Variants in HAUS3 observed in about 807,000 individuals in gnomAD.
The protein encoded by HAUS3 is HAUS augmin-like complex subunit 3.
A neutral mutation model predicts 55.2 loss-of-function variants in HAUS3; 36 were observed. That is an observed-to-expected ratio of 0.65 (90% CI 0.50 to 0.86). HAUS3 has a LOEUF of 0.86. HAUS3 is among the 40% of genes least tolerant of loss of function. HAUS3 has a pLI of 0.00. For synonymous variants in HAUS3, 234 were observed against 238.6 expected, an observed-to-expected ratio of 0.98 and a Z score of 0.18; for missense variants, 752 against 671.5, an observed-to-expected ratio of 1.12 and a Z score of -1.33.
chr4:2,228,758 G>C lies in HAUS3; in HGVS notation c.*3169C>G. ...ACATATTGTCAAAAACATATCTCTT[G>C]TTCACCACACAAAATAGCAAATACT... On this transcript the variant is annotated 3_prime_UTR_variant, in exon 6 of 6. Transcript: ENST00000443786. The C allele has an allele frequency of 4.8e-6, 1 of 208,380 alleles. No individual in the cohort carries two copies. The highest frequency in any genetic ancestry group is 5.6e-5 in the Admixed American group (1 of 17,834). 12.9% of individuals were successfully genotyped at this position (208,380 alleles called of 1,614,324 possible). A position where few individuals can be genotyped will look rare whatever the true frequency, so the allele number is the denominator to read the frequency against.
rs746889790 is a variant in HAUS3 at position 2,232,085 on chromosome 4, C to T, written c.1654G>A (p.Asp552Asn). 3.1e-6 allele frequency: 5 copies of T among 1,604,240 alleles called. No individual in the cohort carries two copies. Among genetic ancestry groups the T allele is most frequent in the Non-Finnish European group, 3.4e-6 (4 of 1,175,094 alleles). The change falls in exon 6 of 6, where the codon GAT (aspartate) becomes AAT (asparagine). Residue 552 changes from aspartate (D) to asparagine (N), a missense_variant. Coordinates refer to ENST00000443786, the MANE Select transcript of HAUS3 (RefSeq NM_001303143.2). Reference protein sequence around the residue: ...LNHLLTDILADVKTKRKTLAN... With the variant: ...LNHLLTDILANVKTKRKTLAN... ...AAAGTTTTTCTTTTTGTCTTCACAT[C>T]AGCAAGAATATCAGTGAGGAGATGA...
Position 2,230,561 on chromosome 4 carries a change from T to G in HAUS3, c.*1366A>C, listed in dbSNP as rs1479854862. On this transcript the variant is annotated 3_prime_UTR_variant, in exon 6 of 6. Transcript: ENST00000443786. ...ACAAAATTAAGGTTTACATAAAATT[T>G]TAAATAACATAAACACAATAATTGG... 6.6e-6 allele frequency: 1 copy of G among 151,974 alleles called. No homozygotes were observed. The highest frequency in any genetic ancestry group is 1.9e-4 in the East Asian group (1 of 5,196). The allele number at this position is 151,974 out of a possible 1,614,324, so 9.4% of individuals were successfully genotyped here.
chr4:2,236,504 T>C, intron 4 of HAUS3, 48 bp from the exon 5 acceptor site: 2 of 1,343,908 alleles, frequency 1.5e-6, no homozygotes, highest in Non-Finnish European at 2.1e-6. Context: ...CAAGTCAGTA[T>C]CATTTTCAAA....
rs772224178 is a variant in HAUS3 at position 2,238,690 on chromosome 4, C to G, written c.1263G>C (p.Lys421Asn). 1.1e-5 allele frequency: 17 copies of G among 1,613,284 alleles called. No individual in the cohort carries two copies. The highest frequency in any genetic ancestry group is 1.4e-5 in the Non-Finnish European group (16 of 1,179,354). The change falls in exon 4 of 6, where the codon AAG becomes AAC. Residue 421 changes from lysine to asparagine, a missense_variant. Physicochemically the swap from Lys to Asn is moderately conservative, Grantham distance 94. Coordinates refer to ENST00000443786, the MANE Select transcript of HAUS3 (RefSeq NM_001303143.2). Reference sequence around the variant, plus strand: ...ATGGATCTGTTAACATTTCTAATTGCTTGTAGAGCATCATGTTACTTTGAC... The same window carrying G: ...ATGGATCTGTTAACATTTCTAATTGGTTGTAGAGCATCATGTTACTTTGAC... ...ELSQSNMMLY[K>N]QLEMLTDPSV... is the part of the protein sequence containing the mutation.
intron 2 of HAUS3, 71 bp downstream of exon 2, chr4:2,241,449 T>C (rs1458341103): frequency 1.2e-5 from 12 of 971,540 alleles, no homozygotes; most frequent in Non-Finnish European, 1.5e-5. Context: ...CAGCCTCTCT[T>C]CCCTGCCCTC....
chr4:2,239,501 A>G (rs1253365731), intron 3 of HAUS3, among the ~76,000 whole-genome samples: 1 of 152,248 alleles, frequency 6.6e-6, no homozygotes, highest in African/African-American at 2.4e-5. Context: ...ATTCTGATTC[A>G]GAAAAGTTAC....
rs1437594556 is a variant in HAUS3, at chr4:2,229,711, A to C, written c.*2216T>G. ...CATGGTGGCACCTGTAATCCCAGCT[A>C]CTCGGGAGGCCTGAGGCAGGAGAAT... On this transcript the variant is annotated 3_prime_UTR_variant, in exon 6 of 6. Coordinates refer to ENST00000443786, the MANE Select transcript of HAUS3 (RefSeq NM_001303143.2). 1 of 152,288 alleles carries C rather than the reference A, an allele frequency of 6.6e-6. No individual in the cohort carries two copies. The highest frequency in any genetic ancestry group is 1.5e-5 in the Non-Finnish European group (1 of 68,322). The allele number at this position is 152,288 out of a possible 1,614,324, so 9.4% of individuals were successfully genotyped here.
chr4:2,240,641 T>C lies in HAUS3; in HGVS notation c.306A>G (p.Leu102=). Residue 102 remains leucine, a synonymous_variant, in exon 3 of 6, where the codon TTA becomes TTG. Transcript: ENST00000443786. ...TCAGTAGAGTTTGAACCTCATCCTC[T>C]AATTTCTCCAGCTCTTTATCATCCA... is the stretch of plus-strand genomic sequence containing the variant. The part of the protein sequence containing the change: ...PRLDDKELEK[L]EDEVQTLLKL... 1 of 1,613,770 alleles carries C rather than the reference T, an allele frequency of 6.2e-7. No individual in the cohort carries two copies. The highest frequency in any genetic ancestry group is 8.5e-7 in the Non-Finnish European group (1 of 1,179,974).
chr4:2,231,303 T>G lies in HAUS3; in HGVS notation c.*624A>C, dbSNP rs549947862. On this transcript the variant is annotated 3_prime_UTR_variant, in exon 6 of 6. Coordinates refer to ENST00000443786, the MANE Select transcript of HAUS3 (RefSeq NM_001303143.2). ...TGCTGACTAGAAGTTCTACACATTT[T>G]AAAATATTTAATAGCGGCTGAGCGT... 6.6e-6 allele frequency: 1 copy of G among 152,356 alleles called. No individual in the cohort carries two copies. The highest frequency in any genetic ancestry group is 2.1e-4 in the South Asian group (1 of 4,824). The allele number at this position is 152,356 out of a possible 1,614,324, so 9.4% of individuals were successfully genotyped here.
chr4:2,239,013 T>C lies in HAUS3; in HGVS notation c.940A>G (p.Ile314Val), dbSNP rs564048728. ...ATAATCTCACTGGTCAAGCTAGAAATTTTAGCATCCAAATTTTCTTTGTCC... is the reference window on the plus strand; with the variant it reads ...ATAATCTCACTGGTCAAGCTAGAAACTTTAGCATCCAAATTTTCTTTGTCC... ...AVDKENLDAK[I>V]SSLTSEIMKL... Residue 314 changes from isoleucine to valine, a missense_variant, in exon 4 of 6, where the codon ATT (isoleucine) becomes GTT (valine). Transcript: ENST00000443786. 5.0e-5 allele frequency: 77 copies of C among 1,540,512 alleles called. No individual in the cohort carries two copies. In the Admixed American group the frequency reaches 1.6e-3, roughly 32 times the overall value.
In HAUS3 at chr4:2,238,995, C is replaced by T; in HGVS notation, c.958G>A (p.Glu320Lys). The change falls in exon 4 of 6, where the codon GAG becomes AAG. Residue 320 changes from glutamate (E) to lysine (K), a missense_variant. Transcript: ENST00000443786. ...LDAKISSLTS[E>K]IMKLEKEVTQ... ...ACCTCTTTTTCAAGTTTCATAATCT[C>T]ACTGGTCAAGCTAGAAATTTTAGCA... 6.4e-7 allele frequency: 1 copy of T among 1,570,902 alleles called. No individual in the cohort carries two copies. Among genetic ancestry groups the T allele is most frequent in the Non-Finnish European group, 8.6e-7 (1 of 1,163,482 alleles).
At position 2,234,322 on chromosome 4, in the gene HAUS3, G is replaced by A. The variant is rs964208750; in HGVS notation, c.1578+1906C>T. On this transcript the variant is annotated intron_variant, in intron 5 of 5. Transcript: ENST00000443786. ...CATTTGACAGCCACTTTGTCAACTA[G>A]AACCAGAACATGAACTGCTGGCAAA... The A allele has an allele frequency of 3.9e-5, 6 of 152,556 alleles. No individual in the cohort carries two copies. In the East Asian group the frequency reaches 1.2e-3, roughly 29 times the overall value. 9.5% of individuals were successfully genotyped at this position (152,556 alleles called of 1,614,324 possible).
At chr4:2,235,565 A>G (rs185955261) in intron 5 of HAUS3, among the ~76,000 whole-genome samples, 19 of 152,368 alleles carry the variant, frequency 1.2e-4, no homozygotes, top group African/African-American at 4.6e-4. Context: ...ACTATGAATG[A>G]ACTATATAGC....
rs888972073 is a variant in HAUS3 at position 2,235,938 on chromosome 4, G to GA, written c.1578+289dup. Among the ~76,000 whole-genome samples, 28 of 149,542 alleles carry GA rather than the reference G, an allele frequency of 1.9e-4. 1 individual carries two copies. Among genetic ancestry groups the GA allele is most frequent in the African/African-American group, 2.7e-4 (11 of 40,950 alleles). ...CAATCCTGTGTTTGCTAAGATGAGTGAAAAAAAAATACAGAGGCGGTTTTA... is the reference window on the plus strand; with the variant it reads ...CAATCCTGTGTTTGCTAAGATGAGTGAAAAAAAAAATACAGAGGCGGTTTTA... On this transcript the variant is annotated intron_variant, in intron 5 of 5. Coordinates refer to ENST00000443786, the MANE Select transcript of HAUS3 (RefSeq NM_001303143.2).
At chr4:2,241,131 GAC>G in intron 2 of HAUS3, 38 bp from the exon 3 acceptor site, 1 of 518,918 alleles carries the variant, frequency 1.9e-6, no homozygotes, top group Admixed American at 3.9e-5. Flanking sequence ...CCACAAATAT[GAC>G]GACAGTGTTT....
At chr4:2,241,933 C>T in intron 1 of HAUS3, 118 bp downstream of exon 1, 1 of 985,576 alleles carries the variant, frequency 1.0e-6, no homozygotes, top group Non-Finnish European at 1.2e-6. Flanking sequence ...GCTGGAGCAC[C>T]TGGAAGGAGC....
At chr4:2,239,131 C>A in intron 3 of HAUS3, 88 bp from the exon 4 acceptor site, 2 of 645,042 alleles carry the variant, frequency 3.1e-6, no homozygotes, top group East Asian at 2.9e-5. Flanking sequence ...CTTTAGGTGA[C>A]CAGATAATAA....
intron 5 of HAUS3, among the ~76,000 whole-genome samples, chr4:2,234,934 G>A (rs995613738): frequency 1.3e-5 from 2 of 152,210 alleles, no homozygotes; most frequent in African/African-American, 2.4e-5. Context: ...CGCCCAGGCT[G>A]GAGTGCAGTG....
Position 2,228,917 on chromosome 4 carries a change from G to A in HAUS3, c.*3010C>T, listed in dbSNP as rs1734477772. 2 of 478,990 alleles carry A rather than the reference G, an allele frequency of 4.2e-6. No individual in the cohort carries two copies. The highest frequency in any genetic ancestry group is 7.4e-6 in the Non-Finnish European group (2 of 272,062). The allele number at this position is 478,990 out of a possible 1,614,324, so 29.7% of individuals were successfully genotyped here. On this transcript the variant is annotated 3_prime_UTR_variant, in exon 6 of 6. Coordinates refer to ENST00000443786, the MANE Select transcript of HAUS3 (RefSeq NM_001303143.2). The stretch of plus-strand genomic sequence containing the variant: ...AGGAAGAGAGTGTTACATTTTTAAA[G>A]CAATGAAGGTTAAGGGAACACGAAA...
Sources: gnomAD v4.1 joint callset for allele counts (sites outside exome capture counted in the v4.1 genomes callset) on GRCh38, gnomAD v4.1.1 for gene constraint, MANE v1.5 for transcripts, NCBI Gene and HGNC (gene_info 2026-07-23, HGNC 2026-07-21) for gene names.